AGXT: variants seen among roughly 807,000 people sequenced by gnomAD.
AGXT encodes L-alanine: glyoxylate aminotransferase 1.
A neutral mutation model predicts 46.9 loss-of-function variants in AGXT; 41 were observed. That is an observed-to-expected ratio of 0.88 (90% CI 0.68 to 1.14). The LOEUF is 1.14. Among genes scored for constraint, AGXT ranks in the 50% most tolerant of loss-of-function variants. The probability of loss-of-function intolerance (pLI) is 0.00; values close to 1 mark genes in which losing one functional copy is unlikely to be tolerated. For synonymous variants in AGXT, 244 were observed against 227.9 expected (o/e 1.07, Z -0.64); for missense variants, 525 against 522.7 (o/e 1.00, Z -0.04).
In AGXT at chr2:240,871,367, C is replaced by G. The variant is rs1417986127; in HGVS notation, c.442C>G (p.Pro148Ala). The change falls in exon 4 of 11, where the codon CCA (proline) becomes GCA (alanine). Residue 148 changes from proline (P) to alanine (A), a missense_variant. Coordinates refer to ENST00000307503, the MANE Select transcript of AGXT (RefSeq NM_000030.3). Reference sequence around the variant, plus strand: ...TCCTCAGGGCCTGGCCCAGCACAAGCCAGTGCTGCTGTTCTTAACCCACGG... The same window carrying G: ...TCCTCAGGGCCTGGCCCAGCACAAGGCAGTGCTGCTGTTCTTAACCCACGG... ...EVEEGLAQHK[P>A]VLLFLTHGES... The G allele has an allele frequency of 6.3e-7, 1 of 1,591,272 alleles. No individual in the cohort carries two copies. The highest frequency in any genetic ancestry group is 1.1e-5 in the South Asian group (1 of 87,284).
intron 5 of AGXT, 52 bp downstream of exon 5, chr2:240,873,101 G>T: frequency 6.6e-7 from 1 of 1,504,666 alleles, no homozygotes; most frequent in South Asian, 1.1e-5. Flanking sequence ...TTGGGGCTCC[G>T]CGTGCAGGAA....
intron 1 of AGXT, 42 bp downstream of exon 1, chr2:240,869,072 G>A: frequency 3.1e-6 from 5 of 1,606,658 alleles, no homozygotes; most frequent in Non-Finnish European, 4.3e-6. Flanking sequence ...TCTCACCCAT[G>A]TTCCCACCCA....
At position 240,879,219 on chromosome 2, in the gene AGXT, A is replaced by C. The variant is rs75801479; in HGVS notation, c.*398A>C. On this transcript the variant is annotated 3_prime_UTR_variant, in exon 11 of 11. Transcript: ENST00000307503. The stretch of plus-strand genomic sequence containing the variant: ...GGGGACACTCCTCATCCTGGAGCCC[A>C]CAGGGTAGATCCTCCCCTGGAGGAG... The C allele has an allele frequency of 5.2e-3, 1,619 of 313,494 alleles. 23 individuals carry two copies. Among genetic ancestry groups the C allele is most frequent in the African/African-American group, 0.032 (1,473 of 46,128 alleles). 19.4% of individuals were successfully genotyped at this position (313,494 alleles called of 1,614,324 possible).
intron 10 of AGXT, 30 bp downstream of exon 10, chr2:240,878,180 C>T: frequency 6.2e-7 from 1 of 1,610,584 alleles, no homozygotes. Context: ...GGGCCTTTTG[C>T]AGAAACCAAA....
intron 2 of AGXT, among the ~76,000 whole-genome samples, chr2:240,869,721 G>C (rs1435333112): frequency 6.6e-6 from 1 of 152,234 alleles, no homozygotes; most frequent in Non-Finnish European, 1.5e-5. Flanking sequence ...TTGTGACAGG[G>C]TGGGGTTTCA....
At chr2:240,877,156 C>G (rs1481869935) in intron 8 of AGXT, 1 of 428,050 alleles carries the variant, frequency 2.3e-6, no homozygotes, top group Admixed American at 2.7e-5. Context: ...GGGAGCTGGC[C>G]CTGAGAGGAG....
chr2:240,871,519 G>A, intron 4 of AGXT, 70 bp downstream of exon 4: 1 of 1,375,190 alleles, frequency 7.3e-7, no homozygotes. Flanking sequence ...GGTGGGCACT[G>A]GTCCCTCTGG....
At chr2:240,876,838 G>A in intron 8 of AGXT, 1 of 169,878 alleles carries the variant, frequency 5.9e-6, no homozygotes, top group Non-Finnish European at 1.3e-5. Flanking sequence ...GGTGGGTGGG[G>A]GGTGTGAGCT....
In AGXT at chr2:240,869,262, G is replaced by A. The variant is rs891479716; in HGVS notation, c.258G>A (p.Leu86=). 36 of 1,613,714 alleles carry A rather than the reference G, an allele frequency of 2.2e-5. No individual in the cohort carries two copies. The highest frequency in any genetic ancestry group is 2.4e-5 in the Non-Finnish European group (28 of 1,180,016). ...TCTCTGGCTCGGGACACTGTGCCCT[G>A]GAGGCCGCCCTGGTCAATGTGCTGG... is the stretch of plus-strand genomic sequence containing the variant. The part of the protein sequence containing the change: ...LVISGSGHCA[L]EAALVNVLEP... The change falls in exon 2 of 11, where the codon CTG becomes CTA. Residue 86 remains leucine (L), a synonymous_variant. Transcript: ENST00000307503.
At chr2:240,869,541 G>A (rs1056345363) in intron 2 of AGXT, among the ~76,000 whole-genome samples, 179 bp downstream of exon 2, 1 of 152,226 alleles carries the variant, frequency 6.6e-6, no homozygotes, top group African/African-American at 2.4e-5. Flanking sequence ...GGGCACTCAT[G>A]AGGCCTGACT....
In AGXT at chr2:240,871,375, G is replaced by A. The variant is rs752385061; in HGVS notation, c.450G>A (p.Leu150=). 1.3e-5 allele frequency: 20 copies of A among 1,595,326 alleles called. No homozygotes were observed. The highest frequency in any genetic ancestry group is 1.5e-5 in the Non-Finnish European group (18 of 1,171,606). Residue 150 remains leucine, a synonymous_variant, in exon 4 of 11, where the codon CTG becomes CTA. Coordinates refer to ENST00000307503, the MANE Select transcript of AGXT (RefSeq NM_000030.3). ...EEGLAQHKPV[L]LFLTHGESST... is the part of the protein sequence containing the mutation. The stretch of plus-strand genomic sequence containing the variant: ...GCCTGGCCCAGCACAAGCCAGTGCT[G>A]CTGTTCTTAACCCACGGGGAGTCGT...
At chr2:240,877,912 C>G in intron 9 of AGXT, 110 bp from the exon 10 acceptor site, 1 of 1,494,160 alleles carries the variant, frequency 6.7e-7, no homozygotes, top group South Asian at 1.2e-5. Flanking sequence ...GCCCTTTCTC[C>G]CCCGGCTCCT....
chr2:240,872,573 C>G (rs1377872030), intron 4 of AGXT, among the ~76,000 whole-genome samples: 3 of 152,068 alleles, frequency 2.0e-5, no homozygotes, highest in Admixed American at 1.3e-4. Context: ...GTGGCTGGGC[C>G]GAGCAGCTGT....
chr2:240,874,046 T>C lies in AGXT; in HGVS notation c.664T>C (p.Phe222Leu), dbSNP rs2059006757. 1.9e-6 allele frequency: 3 copies of C among 1,613,414 alleles called. No individual in the cohort carries two copies. Among genetic ancestry groups the C allele is most frequent in the South Asian group, 2.2e-5 (2 of 91,084 alleles). ...NAPPGTSLIS[F>L]SDKAKKKMYS... is the part of the protein sequence containing the mutation. ...CCCTCCAGGGACCTCGCTCATCTCC[T>C]TCAGTGACAAGGCCAAGTGAGTGAC... The change falls in exon 6 of 11, where the codon TTC becomes CTC. Residue 222 changes from phenylalanine (F) to leucine (L), a missense_variant. Transcript: ENST00000307503.
intron 4 of AGXT, 151 bp from the exon 5 acceptor site, chr2:240,872,828 A>C: frequency 1.4e-6 from 1 of 698,154 alleles, no homozygotes. Context: ...AGGCAGGAGA[A>C]GGCAACTGGC....
At chr2:240,878,324 C>T (rs574570664) in intron 10 of AGXT, among the ~76,000 whole-genome samples, 174 bp downstream of exon 10, 1 of 152,316 alleles carries the variant, frequency 6.6e-6, no homozygotes, top group African/African-American at 2.4e-5. Context: ...TCCTGTCGCC[C>T]CTGCTCCCAC....
chr2:240,878,161 G>A lies in AGXT; in HGVS notation c.1071+11G>A, dbSNP rs565748519. The A allele has an allele frequency of 1.9e-6, 3 of 1,612,162 alleles. No individual in the cohort carries two copies. Among genetic ancestry groups the A allele is most frequent in the East Asian group, 2.2e-5 (1 of 44,868 alleles). ...CCCTCCACGGGGAAGGTGAGAGGGAGCGCCTCGAGGGCCTTTTGCAGAAAC... is the reference window on the plus strand; with the variant it reads ...CCCTCCACGGGGAAGGTGAGAGGGAACGCCTCGAGGGCCTTTTGCAGAAAC... On this transcript the variant is annotated intron_variant, in intron 10 of 10. Transcript: ENST00000307503.
rs780261873 is a variant in AGXT at position 240,878,094 on chromosome 2, G to A, written c.1015G>A (p.Val339Ile). 37 of 1,613,282 alleles carry A rather than the reference G, an allele frequency of 2.3e-5. No individual in the cohort carries two copies. The highest frequency in any genetic ancestry group is 2.1e-5 in the Non-Finnish European group (25 of 1,180,018). The change falls in exon 10 of 11, where the codon GTC (valine) becomes ATC (isoleucine). Residue 339 changes from valine to isoleucine, a missense_variant. Physicochemically the swap from Val to Ile is conservative, Grantham distance 29. Transcript: ENST00000307503. ...GYDWRDIVSY[V>I]IDHFDIEIMG... ...TGACTGGAGAGACATCGTCAGCTACGTCATAGACCACTTCGACATTGAGAT... is the reference window on the plus strand; with the variant it reads ...TGACTGGAGAGACATCGTCAGCTACATCATAGACCACTTCGACATTGAGAT...
chr2:240,878,155 G>C lies in AGXT; in HGVS notation c.1071+5G>C. On this transcript the variant is annotated splice_donor_5th_base_variant and intron_variant, in intron 10 of 10. Coordinates refer to ENST00000307503, the MANE Select transcript of AGXT (RefSeq NM_000030.3). ...CTTGGGCCCTCCACGGGGAAGGTGA[G>C]AGGGAGCGCCTCGAGGGCCTTTTGC... The C allele has an allele frequency of 1.2e-6, 2 of 1,612,654 alleles. No homozygotes were observed. The highest frequency in any genetic ancestry group is 1.7e-6 in the Non-Finnish European group (2 of 1,179,908).
Sources: gnomAD v4.1 joint callset for allele counts (sites outside exome capture counted in the v4.1 genomes callset) on GRCh38, gnomAD v4.1.1 for gene constraint, MANE v1.5 for transcripts, NCBI Gene and HGNC (gene_info 2026-07-23, HGNC 2026-07-21) for gene names.